The following SNTG2 variants were observed in gnomAD, a reference collection of about 807,000 sequenced individuals.
The protein encoded by SNTG2 is gamma-2-syntrophin.
In SNTG2, 74 loss-of-function variants were observed where a neutral mutation model predicts 70.9. The observed-to-expected ratio is 1.04, with a 90% CI of 0.86 to 1.27. SNTG2 has a LOEUF of 1.27. Among genes scored for constraint, SNTG2 ranks in the 50% most tolerant of loss-of-function variants. The probability of loss-of-function intolerance (pLI) is 0.00; values close to 1 mark genes in which losing one functional copy is unlikely to be tolerated. For synonymous variants in SNTG2, 278 were observed against 273.8 expected (o/e 1.02, Z -0.15); for missense variants, 717 against 690.7 (o/e 1.04, Z -0.43).
chr2:1,347,876 C>T (rs1660377846), intron 16 of SNTG2, among the ~76,000 whole-genome samples: 1 of 152,312 alleles, frequency 6.6e-6, no homozygotes. Context: ...TCTTCATGTT[C>T]CTGGAATTTG....
intron 16 of SNTG2, among the ~76,000 whole-genome samples, chr2:1,347,156 C>T (rs1359505031): frequency 6.6e-6 from 1 of 152,326 alleles, no homozygotes; most frequent in Non-Finnish European, 1.5e-5. Context: ...CCAGTGCTAA[C>T]CCTACCCAGG....
chr2:995,306 A>C (rs553532092), intron 1 of SNTG2, among the ~76,000 whole-genome samples: 2 of 152,196 alleles, frequency 1.3e-5, no homozygotes, highest in East Asian at 3.9e-4. Flanking sequence ...CTTTTTCTGC[A>C]TCTCTTGAGG....
At chr2:1,198,346 G>A (rs75001329) in intron 8 of SNTG2, among the ~76,000 whole-genome samples, 3,440 of 152,028 alleles carry the variant, frequency 0.023, 141 homozygotes, top group African/African-American at 0.078. Flanking sequence ...ATAGGATATA[G>A]CAAAAACAAT....
At chr2:1,347,284 G>C (rs1660343148) in intron 16 of SNTG2, among the ~76,000 whole-genome samples, 1 of 152,264 alleles carries the variant, frequency 6.6e-6, no homozygotes, top group South Asian at 2.1e-4. Flanking sequence ...AGGGGTTAGA[G>C]CTCCAGCCAG....
At chr2:1,024,875 A>G (rs1445715217) in intron 1 of SNTG2, among the ~76,000 whole-genome samples, 1 of 152,220 alleles carries the variant, frequency 6.6e-6, no homozygotes, top group Non-Finnish European at 1.5e-5. Flanking sequence ...CAAGAAATAA[A>G]AAGAAAGCAG....
At position 950,911 on chromosome 2, in the gene SNTG2, G is replaced by C; in HGVS notation, c.-86G>C. The C allele has an allele frequency of 1.6e-6, 1 of 618,626 alleles. No homozygotes were observed. The highest frequency in any genetic ancestry group is 4.8e-5 in the East Asian group (1 of 20,852). The allele number at this position is 618,626 out of a possible 1,614,324, so 38.3% of individuals were successfully genotyped here. The stretch of plus-strand genomic sequence containing the variant: ...AGAGGGGCGCGGGCGCGGACGCGGC[G>C]CCTGGCGGGGCCCTGGGAGGCTCGG... On this transcript the variant is annotated 5_prime_UTR_variant, in exon 1 of 17. Transcript: ENST00000308624.
chr2:1,235,781 C>T (rs1676610433), intron 9 of SNTG2, among the ~76,000 whole-genome samples: 2 of 152,364 alleles, frequency 1.3e-5, no homozygotes, highest in South Asian at 2.1e-4. Context: ...AGAACAGGCT[C>T]TTCTGAAAGA....
At chr2:1,109,782 G>C (rs368624570) in intron 4 of SNTG2, among the ~76,000 whole-genome samples, 3 of 152,178 alleles carry the variant, frequency 2.0e-5, no homozygotes, top group African/African-American at 7.2e-5. Context: ...TGTAAGATAG[G>C]CCTGGGCCCT....
At chr2:1,180,843 A>G (rs1014584606) in intron 8 of SNTG2, among the ~76,000 whole-genome samples, 1 of 152,078 alleles carries the variant, frequency 6.6e-6, no homozygotes, top group Admixed American at 6.6e-5. Context: ...GATAGACTGG[A>G]TTAAGAAAAT....
chr2:1,347,592 C>G (rs1428870693), intron 16 of SNTG2, among the ~76,000 whole-genome samples: 1 of 152,250 alleles, frequency 6.6e-6, no homozygotes, highest in Middle Eastern at 3.2e-3. Context: ...CTGTCTGGCT[C>G]CCATCACTGT....
At chr2:951,148 C>T in intron 1 of SNTG2, 80 bp downstream of exon 1, 1 of 607,078 alleles carries the variant, frequency 1.6e-6, no homozygotes, top group Non-Finnish European at 2.4e-6. Flanking sequence ...CGCCCCTCCT[C>T]CCTCCACGCC....
chr2:1,355,229 C>T (rs992627152), intron 16 of SNTG2, among the ~76,000 whole-genome samples: 14 of 152,192 alleles, frequency 9.2e-5, no homozygotes, highest in African/African-American at 3.4e-4. Context: ...GAGATTTACT[C>T]TCTTAAGTAT....
chr2:1,157,388 A>G lies in SNTG2; in HGVS notation c.412-8160A>G, dbSNP rs181686694. ...ACCGCGGCTCGTGCGCTGGAGTGCAACCAGTACTGTGGCTTGTGCGTACTT... is the reference window on the plus strand; with the variant it reads ...ACCGCGGCTCGTGCGCTGGAGTGCAGCCAGTACTGTGGCTTGTGCGTACTT... On this transcript the variant is annotated intron_variant, in intron 6 of 16. Transcript: ENST00000308624. Among the ~76,000 whole-genome samples, 36 of 152,322 alleles carry G rather than the reference A, an allele frequency of 2.4e-4. 1 individual carries two copies. The highest frequency in any genetic ancestry group is 1.8e-3 in the Admixed American group (28 of 15,310).
rs1490134900 is a variant in SNTG2 at position 1,346,207 on chromosome 2, T to C, written c.1489-21136T>C. 2.0e-5 allele frequency among the ~76,000 whole-genome samples: 2 copies of C among 101,830 alleles called. 1 individual carries two copies. Among genetic ancestry groups the C allele is most frequent in the East Asian group, 6.5e-4 (2 of 3,090 alleles). 66.8% of individuals were successfully genotyped at this position (101,830 alleles called of 152,430 possible). On this transcript the variant is annotated intron_variant, in intron 16 of 16. Transcript: ENST00000308624. ...GGAAGCAGGACATGCATAGGAAGAG[T>C]GGACTGGCACTTTTCCCCCTGTTCT... is the stretch of plus-strand genomic sequence containing the variant.
intron 9 of SNTG2, among the ~76,000 whole-genome samples, chr2:1,228,078 A>G (rs10192859): frequency 0.31 from 46,540 of 151,808 alleles, 8,228 homozygotes; most frequent in African/African-American, 0.5. Context: ...CACTGTGTGG[A>G]CTGAGTGCTG....
chr2:1,316,365 T>C lies in SNTG2; in HGVS notation c.1478T>C (p.Ile493Thr), dbSNP rs971444868. Residue 493 changes from isoleucine to threonine, a missense_variant, in exon 16 of 17, where the codon ATT becomes ACT. Ile to Thr is a moderately conservative substitution (Grantham distance 89). Transcript: ENST00000308624. ...TTTCAGAATCTGGACACCAAACAGA[T>C]TGAGACGAAGGTATGCGGCATGGGG... is the stretch of plus-strand genomic sequence containing the variant. ...LLFQNLDTKQ[I>T]ETKELEFQDL... 6.5e-7 allele frequency: 1 copy of C among 1,533,098 alleles called. No homozygotes were observed. The highest frequency in any genetic ancestry group is 8.8e-7 in the Non-Finnish European group (1 of 1,130,414). 95.0% of individuals were successfully genotyped at this position (1,533,098 alleles called of 1,614,324 possible).
chr2:1,113,923 C>T (rs1460853993), intron 4 of SNTG2, among the ~76,000 whole-genome samples: 1 of 150,654 alleles, frequency 6.6e-6, no homozygotes, highest in Admixed American at 6.6e-5. Context: ...CCCTTACAGT[C>T]CTTTGAGGAG....
At chr2:1,175,841 T>G (rs1465068553) in intron 8 of SNTG2, among the ~76,000 whole-genome samples, 1 of 152,148 alleles carries the variant, frequency 6.6e-6, no homozygotes, top group Non-Finnish European at 1.5e-5. Context: ...CATGATTCGG[T>G]GCCATTTCAG....
intron 9 of SNTG2, among the ~76,000 whole-genome samples, chr2:1,221,427 G>GCC (rs1674802921): frequency 1.4e-5 from 2 of 141,120 alleles, no homozygotes; most frequent in African/African-American, 5.5e-5. Context: ...TTTTGTCTCT[G>GCC]TCTCTCTCTG....
Sources: gnomAD v4.1 joint callset for allele counts (sites outside exome capture counted in the v4.1 genomes callset) on GRCh38, gnomAD v4.1.1 for gene constraint, MANE v1.5 for transcripts, NCBI Gene and HGNC (gene_info 2026-07-23, HGNC 2026-07-21) for gene names.